Variants in TOP6BL observed in about 807,000 individuals in gnomAD.
TOP6BL encodes type 2 DNA topoisomerase 6 subunit B-like.
chr11:66,793,714 G>T, the TOP6BL span, among the ~76,000 whole-genome samples: 10 of 152,112 alleles, frequency 6.6e-5, no homozygotes, highest in South Asian at 1.2e-3. Flanking sequence ...CCAAAGTGCT[G>T]GGATTACAGG....
the TOP6BL span, among the ~76,000 whole-genome samples, chr11:66,745,681 C>T: frequency 6.6e-6 from 1 of 152,242 alleles, no homozygotes; most frequent in Non-Finnish European, 1.5e-5. Context: ...AAGAAGGCGG[C>T]GGGATTCCAT....
the TOP6BL span, chr11:66,828,526 AG>A: frequency 1.7e-6 from 1 of 591,172 alleles, no homozygotes; most frequent in Admixed American, 2.8e-5. Flanking sequence ...TCTATCTCTC[AG>A]GAATGACTAT....
chr11:66,804,149 A>G, the TOP6BL span: 1 of 1,613,758 alleles, frequency 6.2e-7, no homozygotes, highest in Non-Finnish European at 8.5e-7. Flanking sequence ...CCCCAGCCCA[A>G]AGGTTTCTTC....
At chr11:66,748,655 A>G in the TOP6BL span, 1 of 707,330 alleles carries the variant, frequency 1.4e-6, no homozygotes, top group South Asian at 2.8e-5. Context: ...TGATTATGTA[A>G]TAAGTGTCTG....
At chr11:66,792,552 A>G in the TOP6BL span, among the ~76,000 whole-genome samples, 36,516 of 152,114 alleles carry the variant, frequency 0.24, 4,442 homozygotes, top group Middle Eastern at 0.32. Flanking sequence ...AGCATTGGAT[A>G]GTAGAATGTG....
chr11:66,795,956 T>C, the TOP6BL span: 179 of 216,066 alleles, frequency 8.3e-4, no homozygotes, highest in Non-Finnish European at 1.5e-3. Flanking sequence ...CCAAAGCACA[T>C]TAGGATGGTG....
the TOP6BL span, among the ~76,000 whole-genome samples, chr11:66,809,129 A>G: frequency 1.3e-5 from 2 of 152,360 alleles, no homozygotes; most frequent in East Asian, 3.9e-4. Context: ...TATTTTTAGT[A>G]GAGACGGGGT....
At chr11:66,843,336 C>T in the TOP6BL span, 2 of 1,484,042 alleles carry the variant, frequency 1.3e-6, no homozygotes, top group Non-Finnish European at 8.9e-7. Context: ...TCCTCTTCCG[C>T]GTCTGCTTCC....
chr11:66,770,818 C>G, the TOP6BL span, among the ~76,000 whole-genome samples: 1 of 152,154 alleles, frequency 6.6e-6, no homozygotes, highest in African/African-American at 2.4e-5. Flanking sequence ...CCTTACCCAT[C>G]GTTGGCCACT....
the TOP6BL span, among the ~76,000 whole-genome samples, chr11:66,818,411 T>A: frequency 6.6e-6 from 1 of 152,246 alleles, no homozygotes; most frequent in Non-Finnish European, 1.5e-5. Flanking sequence ...GTACCGCCGT[T>A]CTGATGATTA....
At chr11:66,768,368 C>T in the TOP6BL span, among the ~76,000 whole-genome samples, 15 of 152,024 alleles carry the variant, frequency 9.9e-5, 1 homozygote, top group African/African-American at 3.1e-4. Context: ...CTTTTTCCCC[C>T]GGGAGCTCAT....
the TOP6BL span, among the ~76,000 whole-genome samples, chr11:66,746,161 C>T: frequency 6.6e-6 from 1 of 152,182 alleles, no homozygotes; most frequent in African/African-American, 2.4e-5. Context: ...AGACTCTACA[C>T]GTACCTGGAA....
the TOP6BL span, among the ~76,000 whole-genome samples, chr11:66,779,454 A>G: frequency 3.7e-4 from 56 of 152,342 alleles, no homozygotes; most frequent in African/African-American, 1.2e-3. Context: ...AATCAAAACC[A>G]CAATGAGATA....
chr11:66,816,131 A>G, the TOP6BL span: 100 of 1,606,738 alleles, frequency 6.2e-5, 1 homozygote, highest in South Asian at 1.1e-3. Context: ...CCTCAAGGAC[A>G]AACTCTGCTG....
chr11:66,746,268 A>G, the TOP6BL span, among the ~76,000 whole-genome samples: 1 of 152,146 alleles, frequency 6.6e-6, no homozygotes, highest in Admixed American at 6.5e-5. Context: ...GCCTCCCTGT[A>G]AAAGTGAGAA....
chr11:66,783,091 A>G, the TOP6BL span, among the ~76,000 whole-genome samples: 1 of 152,204 alleles, frequency 6.6e-6, no homozygotes, highest in East Asian at 1.9e-4. Flanking sequence ...CATGCCTGTA[A>G]TCCCAGCACT....
chr11:66,766,439 T>G, the TOP6BL span, among the ~76,000 whole-genome samples: 1 of 152,218 alleles, frequency 6.6e-6, no homozygotes, highest in African/African-American at 2.4e-5. Context: ...TTTTTTCCCC[T>G]TTCTTCTCTG....
chr11:66,757,471 T>A, the TOP6BL span, among the ~76,000 whole-genome samples: 8 of 152,266 alleles, frequency 5.3e-5, no homozygotes, highest in Non-Finnish European at 8.8e-5. Flanking sequence ...AGAGTATTAC[T>A]ATCCAATAAA....
At chr11:66,791,861 A>C in the TOP6BL span, among the ~76,000 whole-genome samples, 1 of 146,680 alleles carries the variant, frequency 6.8e-6, no homozygotes, top group East Asian at 2.0e-4. Flanking sequence ...TCTGTGGCCC[A>C]GGCTGGAGTG....
Sources: gnomAD v4.1 joint callset for allele counts (sites outside exome capture counted in the v4.1 genomes callset) on GRCh38, gnomAD v4.1.1 for gene constraint, MANE v1.5 for transcripts, NCBI Gene and HGNC (gene_info 2026-07-23, HGNC 2026-07-21) for gene names.